SRRD: variants seen among roughly 807,000 people sequenced by gnomAD.
SRRD encodes the protein SRR1-like protein.
Under a neutral mutation model 30.7 loss-of-function variants are expected in SRRD, and 28 were observed. That is an observed-to-expected ratio of 0.91 (90% CI 0.68 to 1.25). The LOEUF is 1.25. Among genes scored for constraint, SRRD ranks in the 50% most tolerant of loss-of-function variants. SRRD has a pLI of 0.00. For missense variants in SRRD, 415 were observed against 417.3 expected (o/e 0.99, Z 0.05); for synonymous variants, 161 against 159.6 (o/e 1.01, Z -0.07).
Position 26,492,658 on chromosome 22 carries a change from G to C in SRRD, c.*986G>C. The C allele has an allele frequency of 2.6e-6, 1 of 381,942 alleles. No homozygotes were observed. The highest frequency in any genetic ancestry group is 4.9e-6 in the Non-Finnish European group (1 of 203,834). 23.7% of individuals were successfully genotyped at this position (381,942 alleles called of 1,614,324 possible). The stretch of plus-strand genomic sequence containing the variant: ...TCCTTCAGAGCTGGAAACATTAACA[G>C]AGAGTCCTCAGCCACTCTTCTGTTC... On this transcript the variant is annotated 3_prime_UTR_variant, in exon 7 of 7. Coordinates refer to ENST00000215917, the MANE Select transcript of SRRD (RefSeq NM_001013694.3).
rs150843922 is a variant in SRRD, at chr22:26,494,189, T to A, written c.*2517T>A. Reference sequence around the variant, plus strand: ...CATGATATCAAGTGCCTCATTAAATTTGTCCTTGACAGATGGATGTGCCAG... The same window carrying A: ...CATGATATCAAGTGCCTCATTAAATATGTCCTTGACAGATGGATGTGCCAG... On this transcript the variant is annotated 3_prime_UTR_variant, in exon 7 of 7. Coordinates refer to ENST00000215917, the MANE Select transcript of SRRD (RefSeq NM_001013694.3). The A allele has an allele frequency of 6.2e-7, 1 of 1,614,216 alleles. No individual in the cohort carries two copies. The highest frequency in any genetic ancestry group is 8.5e-7 in the Non-Finnish European group (1 of 1,180,028).
rs116801139 is a variant in SRRD, at chr22:26,488,925, G to A, written c.609+437G>A. ...TCAAACCCATAGCACCTGGCTGTGA[G>A]TTGTGGATTAATTCTCTGCCCATGT... is the stretch of plus-strand genomic sequence containing the variant. On this transcript the variant is annotated intron_variant, in intron 4 of 6. Coordinates refer to ENST00000215917, the MANE Select transcript of SRRD (RefSeq NM_001013694.3). 5.7e-3 allele frequency among the ~76,000 whole-genome samples: 868 copies of A among 152,322 alleles called. 8 individuals are homozygous for A. The highest frequency in any genetic ancestry group is 0.02 in the African/African-American group (830 of 41,566).
chr22:26,488,809 C>G (rs2091727863), intron 4 of SRRD, among the ~76,000 whole-genome samples: 1 of 152,196 alleles, frequency 6.6e-6, no homozygotes, highest in African/African-American at 2.4e-5. Flanking sequence ...AGTCTAGGTG[C>G]CTCAAGTGAG....
rs951460679 is a variant in SRRD, at chr22:26,485,881, C to T, written c.210-142C>T. 13 of 887,168 alleles carry T rather than the reference C, an allele frequency of 1.5e-5. No individual in the cohort carries two copies. In the African/African-American group the frequency reaches 2.0e-4, roughly 14 times the overall value. The allele number at this position is 887,168 out of a possible 1,614,324, so 55.0% of individuals were successfully genotyped here. ...GCTCTGGACATATTCAACATATATC[C>T]CCCTCCTATCACTTGGTAAGGGTGG... On this transcript the variant is annotated intron_variant, in intron 1 of 6. Transcript: ENST00000215917.
At chr22:26,484,668 T>C (rs375379501) in intron 1 of SRRD, among the ~76,000 whole-genome samples, 12 of 152,298 alleles carry the variant, frequency 7.9e-5, no homozygotes, top group South Asian at 4.2e-4. Context: ...TGGAACCAGA[T>C]TTCAAACCCA....
At chr22:26,490,604 C>G (rs1007080072) in intron 5 of SRRD, among the ~76,000 whole-genome samples, 2 of 114,994 alleles carry the variant, frequency 1.7e-5, no homozygotes, top group Non-Finnish European at 3.4e-5. Flanking sequence ...CACTCTGTCC[C>G]CCCGGCTGGA....
At position 26,491,687 on chromosome 22, in the gene SRRD, A is replaced by G. The variant is rs1407930636; in HGVS notation, c.*15A>G. On this transcript the variant is annotated 3_prime_UTR_variant, in exon 7 of 7. Coordinates refer to ENST00000215917, the MANE Select transcript of SRRD (RefSeq NM_001013694.3). ...CTACTGACTGAACTCGTTGTGAGGTACTCAGTGTTGGCTGAGGTAGAAGCT... is the reference window on the plus strand; with the variant it reads ...CTACTGACTGAACTCGTTGTGAGGTGCTCAGTGTTGGCTGAGGTAGAAGCT... 6.2e-7 allele frequency: 1 copy of G among 1,604,466 alleles called. No homozygotes were observed. Among genetic ancestry groups the G allele is most frequent in the African/African-American group, 1.3e-5 (1 of 74,882 alleles).
intron 2 of SRRD, among the ~76,000 whole-genome samples, chr22:26,487,687 A>G (rs891992615): frequency 6.6e-6 from 1 of 152,234 alleles, no homozygotes; most frequent in Admixed American, 6.5e-5. Context: ...ATTTCAGAGC[A>G]TAGTCTACAT....
intron 5 of SRRD, among the ~76,000 whole-genome samples, chr22:26,490,559 C>CCTTTTTTTT (rs1182177256): frequency 7.7e-5 from 4 of 51,834 alleles, no homozygotes; most frequent in Admixed American, 3.3e-4. Flanking sequence ...GGAATATTTG[C>CCTTTTTTTT]TTTTTTTTTT....
rs190114755 is a variant in SRRD, at chr22:26,484,987, A to G, written c.209+888A>G. Among the ~76,000 whole-genome samples the G allele has an allele frequency of 3.3e-5, 5 of 152,344 alleles. No homozygotes were observed. In the East Asian group the frequency reaches 9.6e-4, roughly 29 times the overall value. Reference sequence around the variant, plus strand: ...TCCCCTAGAATTAGGGTCAAGAGGCAGTAATGTCCCAGAGTTTACCTCTGA... The same window carrying G: ...TCCCCTAGAATTAGGGTCAAGAGGCGGTAATGTCCCAGAGTTTACCTCTGA... On this transcript the variant is annotated intron_variant, in intron 1 of 6. Transcript: ENST00000215917.
rs2091608241 is a variant in SRRD, at chr22:26,483,954, T to C, written c.64T>C (p.Ser22Pro). Reference sequence around the variant, plus strand: ...GGCGGCGGCTCCGCGGAAGAGGCGCTCCGCGGCTCGACGGCCGCGGCGGAG... The same window carrying C: ...GGCGGCGGCTCCGCGGAAGAGGCGCCCCGCGGCTCGACGGCCGCGGCGGAG... ...WQAAAPRKRR[S>P]AARRPRRREA... is the part of the protein sequence containing the mutation. The change falls in exon 1 of 7, where the codon TCC (serine) becomes CCC (proline). Residue 22 changes from serine (S) to proline (P), a missense_variant. Ser to Pro is a moderately conservative substitution (Grantham distance 74). Transcript: ENST00000215917. 2.1e-5 allele frequency: 29 copies of C among 1,357,890 alleles called. No individual in the cohort carries two copies. The highest frequency in any genetic ancestry group is 2.7e-4 in the Middle Eastern group (1 of 3,680). The allele number at this position is 1,357,890 out of a possible 1,614,324, so 84.1% of individuals were successfully genotyped here. A position where few individuals can be genotyped will look rare whatever the true frequency, so the allele number is the denominator to read the frequency against.
chr22:26,492,357 G>C lies in SRRD; in HGVS notation c.*685G>C. On this transcript the variant is annotated 3_prime_UTR_variant, in exon 7 of 7. Coordinates refer to ENST00000215917, the MANE Select transcript of SRRD (RefSeq NM_001013694.3). ...GCAATGTTCTCCCGTGCTCCTGGCT[G>C]CATGTAGGCACCTAAGATACAGGAG... The C allele has an allele frequency of 6.2e-7, 1 of 1,614,118 alleles. No homozygotes were observed. Among genetic ancestry groups the C allele is most frequent in the Non-Finnish European group, 8.5e-7 (1 of 1,179,958 alleles).
Position 26,493,865 on chromosome 22 carries a change from G to A in SRRD, c.*2193G>A, listed in dbSNP as rs1259958109. The A allele has an allele frequency of 2.4e-6, 1 of 422,120 alleles. No homozygotes were observed. Among genetic ancestry groups the A allele is most frequent in the East Asian group, 4.9e-5 (1 of 20,242 alleles). The allele number at this position is 422,120 out of a possible 1,614,324, so 26.1% of individuals were successfully genotyped here. A position where few individuals can be genotyped will look rare whatever the true frequency, so the allele number is the denominator to read the frequency against. On this transcript the variant is annotated 3_prime_UTR_variant, in exon 7 of 7. Transcript: ENST00000215917. ...GCCACACAGCACAGTGGTTAAGAGG[G>A]CGGGGCCTGGGGTTAGACTGACATC...
chr22:26,492,473 T>A lies in SRRD; in HGVS notation c.*801T>A. The A allele has an allele frequency of 1.0e-6, 1 of 1,003,374 alleles. No individual in the cohort carries two copies. Among genetic ancestry groups the A allele is most frequent in the Non-Finnish European group, 1.5e-6 (1 of 663,606 alleles). The allele number at this position is 1,003,374 out of a possible 1,614,324, so 62.2% of individuals were successfully genotyped here. ...TTGGGTGTGCCAGAGTGCTTGTGAC[T>A]CACTGAAGGGCAGCTCTGCCTCAAA... On this transcript the variant is annotated 3_prime_UTR_variant, in exon 7 of 7. Transcript: ENST00000215917.
chr22:26,491,757 G>A lies in SRRD; in HGVS notation c.*85G>A. On this transcript the variant is annotated 3_prime_UTR_variant, in exon 7 of 7. Transcript: ENST00000215917. ...AAGGCTGCTATGGAGGAACTACAGA[G>A]AACTCCTTTGCCAGGAAAGAACATC... is the stretch of plus-strand genomic sequence containing the variant. 1 of 1,262,126 alleles carries A rather than the reference G, an allele frequency of 7.9e-7. No individual in the cohort carries two copies. Among genetic ancestry groups the A allele is most frequent in the Non-Finnish European group, 1.1e-6 (1 of 909,800 alleles). The allele number at this position is 1,262,126 out of a possible 1,614,324, so 78.2% of individuals were successfully genotyped here. A position where few individuals can be genotyped will look rare whatever the true frequency, so the allele number is the denominator to read the frequency against.
chr22:26,488,299 G>T lies in SRRD; in HGVS notation c.510+11G>T, dbSNP rs369541495. Reference sequence around the variant, plus strand: ...TTGGAAAAGTGCCAGGTACATTTTTGGATTCATTTTCATCTCCTCCTCCTC... The same window carrying T: ...TTGGAAAAGTGCCAGGTACATTTTTTGATTCATTTTCATCTCCTCCTCCTC... On this transcript the variant is annotated intron_variant, in intron 3 of 6. Transcript: ENST00000215917. 3.6e-4 allele frequency: 576 copies of T among 1,612,750 alleles called. No individual in the cohort carries two copies. Among genetic ancestry groups the T allele is most frequent in the Non-Finnish European group, 4.7e-4 (549 of 1,179,028 alleles).
intron 1 of SRRD, 108 bp from the exon 2 acceptor site, chr22:26,485,915 T>A: frequency 5.3e-6 from 7 of 1,320,372 alleles, no homozygotes; most frequent in Non-Finnish European, 7.6e-6. Context: ...GGGCCCTGCA[T>A]TGCAGGGCAC....
rs377035333 is a variant in SRRD, at chr22:26,494,345, A to C, written c.*2673A>C. The C allele has an allele frequency of 6.2e-7, 1 of 1,613,414 alleles. No homozygotes were observed. Among genetic ancestry groups the C allele is most frequent in the African/African-American group, 1.3e-5 (1 of 74,914 alleles). ...ATTACTTGCATCCATCGTGGCAACA[A>C]ATGAAGGCAAGATTTCTGAAGTGGC... On this transcript the variant is annotated 3_prime_UTR_variant, in exon 7 of 7. Transcript: ENST00000215917.
chr22:26,491,173 G>A (rs532125776), intron 6 of SRRD, 103 bp downstream of exon 6: 275 of 1,192,042 alleles, frequency 2.3e-4, no homozygotes, highest in Non-Finnish European at 3.1e-4. Context: ...GCTAAGTGGC[G>A]CTAGTGTACT....
Sources: gnomAD v4.1 joint callset for allele counts (sites outside exome capture counted in the v4.1 genomes callset) on GRCh38, gnomAD v4.1.1 for gene constraint, MANE v1.5 for transcripts, NCBI Gene and HGNC (gene_info 2026-07-23, HGNC 2026-07-21) for gene names.